The following ZNF142 variants were observed in gnomAD, a reference collection of about 807,000 sequenced individuals.
The protein encoded by ZNF142 is zinc finger protein 142 (clone pHZ-49).
ZNF142 carries 96 observed loss-of-function variants against 132.1 expected under a neutral mutation model. The observed-to-expected ratio is 0.73, with a 90% CI of 0.62 to 0.86. The LOEUF is 0.86. Among genes scored for constraint, ZNF142 ranks in the 40% least tolerant of loss-of-function variants. ZNF142 has a pLI of 0.00. For synonymous variants in ZNF142, 842 were observed against 890.1 expected, an observed-to-expected ratio of 0.95 and a Z score of 0.96; for missense variants, 2,163 against 2,336.2, an observed-to-expected ratio of 0.93 and a Z score of 1.53.
rs1575044798 is a variant in ZNF142 at position 218,635,205 on chromosome 2, T to C, written c.*3134A>G. Reference sequence around the variant, plus strand: ...GTCACTTTAGCCCAGGAGATGGAGGTTGCAGTGAGCTATGACTGCCCCACT... The same window carrying C: ...GTCACTTTAGCCCAGGAGATGGAGGCTGCAGTGAGCTATGACTGCCCCACT... On this transcript the variant is annotated 3_prime_UTR_variant, in exon 11 of 11. Coordinates refer to ENST00000411696, the MANE Select transcript of ZNF142 (RefSeq NM_001379659.1). Among the ~76,000 whole-genome samples, 2 of 151,706 alleles carry C rather than the reference T, an allele frequency of 1.3e-5. No homozygotes were observed. Among genetic ancestry groups the C allele is most frequent in the Admixed American group, 1.3e-4 (2 of 15,236 alleles).
Position 218,633,650 on chromosome 2 carries a change from T to C in ZNF142, c.*4689A>G. The C allele has an allele frequency of 1.2e-6, 2 of 1,613,548 alleles. No homozygotes were observed. The highest frequency in any genetic ancestry group is 1.7e-6 in the Non-Finnish European group (2 of 1,179,484). ...TCCAGCCCTCTCTTCCCTGGTTATC[T>C]ACTTGAAGTCTGTCTCATTCCGCAG... On this transcript the variant is annotated 3_prime_UTR_variant, in exon 11 of 11. Transcript: ENST00000411696.
chr2:218,643,151 T>C lies in ZNF142; in HGVS notation c.3965A>G (p.His1322Arg), dbSNP rs1455752142. The C allele has an allele frequency of 6.2e-7, 1 of 1,614,020 alleles. No homozygotes were observed. Among genetic ancestry groups the C allele is most frequent in the Non-Finnish European group, 8.5e-7 (1 of 1,180,002 alleles). ...CTCGAGGGGGCAGCCCCGGATCTGG[T>C]GAGTCCTCAGAGCCCGTTCCTGCTG... ...SCQQERALRTHQIRGCPLEES... is the reference protein window; with the variant it reads ...SCQQERALRTRQIRGCPLEES... The change falls in exon 9 of 11, where the codon CAC becomes CGC. Residue 1322 changes from histidine (H) to arginine (R), a missense_variant. Physicochemically the swap from His to Arg is conservative, Grantham distance 29. Transcript: ENST00000411696.
At chr2:218,641,494 T>C (rs1199365377) in intron 9 of ZNF142, among the ~76,000 whole-genome samples, 1 of 151,996 alleles carries the variant, frequency 6.6e-6, no homozygotes, top group Admixed American at 6.6e-5. Flanking sequence ...TCCGCCCACC[T>C]TGGCCTCCCA....
At chr2:218,648,134 G>A (rs1421710147) in intron 7 of ZNF142, among the ~76,000 whole-genome samples, 2 of 111,692 alleles carry the variant, frequency 1.8e-5, no homozygotes, top group African/African-American at 5.0e-5. Context: ...AAGAATGCTA[G>A]AAGACAGTTA....
At position 218,636,911 on chromosome 2, in the gene ZNF142, G is replaced by A; in HGVS notation, c.*1428C>T. ...CTAATCTTTCCCATCAACTCTGTGT[G>A]AAGGCAGGTTGCAACTAGAAATTCA... On this transcript the variant is annotated 3_prime_UTR_variant, in exon 11 of 11. Coordinates refer to ENST00000411696, the MANE Select transcript of ZNF142 (RefSeq NM_001379659.1). 1 of 467,652 alleles carries A rather than the reference G, an allele frequency of 2.1e-6. No individual in the cohort carries two copies. Among genetic ancestry groups the A allele is most frequent in the Non-Finnish European group, 4.3e-6 (1 of 234,938 alleles). 29.0% of individuals were successfully genotyped at this position (467,652 alleles called of 1,614,324 possible).
In ZNF142 at chr2:218,634,196, A is replaced by G; in HGVS notation, c.*4143T>C. 1 of 1,611,682 alleles carries G rather than the reference A, an allele frequency of 6.2e-7. No individual in the cohort carries two copies. The highest frequency in any genetic ancestry group is 1.7e-4 in the Middle Eastern group (1 of 6,060). On this transcript the variant is annotated 3_prime_UTR_variant, in exon 11 of 11. Transcript: ENST00000411696. This position sits in a 1 kb window ranked among gnomAD's most constrained non-coding sequence, Gnocchi z 4.0. ...ACTCTTCCAACTACAACCCCCAGGA[A>G]CTCTGGAATGCAGGCTGCCAGATGG...
chr2:218,642,087 C>G lies in ZNF142; in HGVS notation c.5029G>C (p.Glu1677Gln). ...CAGAGGTGACAGTGGTAAGGCTTTTCCCCAGTGTGGATGCGGCTGTGCCAG... is the reference window on the plus strand; with the variant it reads ...CAGAGGTGACAGTGGTAAGGCTTTTGCCCAGTGTGGATGCGGCTGTGCCAG... Reference protein sequence around the residue: ...ITWHSRIHTGEKPYHCHLCPY... With the variant: ...ITWHSRIHTGQKPYHCHLCPY... Residue 1677 changes from glutamate to glutamine, a missense_variant, in exon 9 of 11, where the codon GAA (glutamate) becomes CAA (glutamine). Transcript: ENST00000411696. This position sits in a 1 kb window ranked among gnomAD's most constrained non-coding sequence, Gnocchi z 4.6. 1 of 1,614,200 alleles carries G rather than the reference C, an allele frequency of 6.2e-7. No homozygotes were observed. The highest frequency in any genetic ancestry group is 1.1e-5 in the South Asian group (1 of 91,086).
In ZNF142 at chr2:218,655,152, C is replaced by T. The variant is rs559212128; in HGVS notation, c.280+998G>A. On this transcript the variant is annotated intron_variant, in intron 4 of 10. Coordinates refer to ENST00000411696, the MANE Select transcript of ZNF142 (RefSeq NM_001379659.1). ...AAGCAAACAACAAAAAAGATGGTTT[C>T]TTTTTCTTACTGTGGCTCTTTGAAT... Among the ~76,000 whole-genome samples the T allele has an allele frequency of 5.9e-5, 9 of 152,312 alleles. No homozygotes were observed. In the East Asian group the frequency reaches 1.5e-3, roughly 26 times the overall value.
At position 218,643,429 on chromosome 2, in the gene ZNF142, G is replaced by C; in HGVS notation, c.3687C>G (p.Asn1229Lys). The change falls in exon 9 of 11, where the codon AAC (asparagine) becomes AAG (lysine). Residue 1229 changes from asparagine (N) to lysine (K), a missense_variant. Physicochemically the swap from Asn to Lys is moderately conservative, Grantham distance 94. Around this residue, in one of 7 missense-constraint regions of ZNF142, gnomAD observed 809 missense variants for 801.7 expected, o/e 1.01. Coordinates refer to ENST00000411696, the MANE Select transcript of ZNF142 (RefSeq NM_001379659.1). The stretch of plus-strand genomic sequence containing the variant: ...GCCGGGAACAAAGGAATGGGCAGGA[G>C]TTGCAGTGAAACTTGCCCTGCTCAA... The part of the protein sequence containing the change: ...HRFEQGKFHC[N>K]SCPFLCSRLS... The C allele has an allele frequency of 6.2e-7, 1 of 1,614,244 alleles. No individual in the cohort carries two copies. The highest frequency in any genetic ancestry group is 1.1e-5 in the South Asian group (1 of 91,086).
At chr2:218,649,842 G>C (rs184995757) in intron 6 of ZNF142, among the ~76,000 whole-genome samples, 354 of 152,318 alleles carry the variant, frequency 2.3e-3, no homozygotes, top group Non-Finnish European at 2.4e-3. Flanking sequence ...CCAAGGGGGT[G>C]AGCCAAAAGA....
chr2:218,644,081 T>G lies in ZNF142; in HGVS notation c.3035A>C (p.Lys1012Thr). The G allele has an allele frequency of 1.2e-6, 2 of 1,614,078 alleles. No individual in the cohort carries two copies. Among genetic ancestry groups the G allele is most frequent in the Non-Finnish European group, 1.7e-6 (2 of 1,179,998 alleles). Residue 1012 changes from lysine to threonine, a missense_variant, in exon 9 of 11, where the codon AAA becomes ACA. Physicochemically the swap from Lys to Thr is moderately conservative, Grantham distance 78. This residue lies in a region of ZNF142 where 809 missense variants were observed against 801.7 expected (regional missense o/e 1.01). Coordinates refer to ENST00000411696, the MANE Select transcript of ZNF142 (RefSeq NM_001379659.1). The surrounding 1 kb of genome is among the most constrained non-coding windows in gnomAD (Gnocchi z 4.6). ...TAGCACCAATGCCTCTGCTTGTTCT[T>G]TGTCCTGTCTCCTTAGGGCCTTGAG... Reference protein sequence around the residue: ...SLLKALRRQDKEQAEALVLEG... With the variant: ...SLLKALRRQDTEQAEALVLEG...
At chr2:218,650,332 G>C (rs1443029938) in intron 6 of ZNF142, 27 bp downstream of exon 6, 2 of 1,613,566 alleles carry the variant, frequency 1.2e-6, no homozygotes, top group Non-Finnish European at 1.7e-6. Context: ...CCACCACCAA[G>C]GGCTTCAAGC....
chr2:218,648,571 C>A, intron 7 of ZNF142, 64 bp downstream of exon 7: 1 of 1,503,750 alleles, frequency 6.7e-7, no homozygotes, highest in South Asian at 1.3e-5. Context: ...ATGCAAGACC[C>A]TTTGTAGCCA....
Position 218,638,539 on chromosome 2 carries a change from A to C in ZNF142, c.5464T>G (p.Phe1822Val). Residue 1822 changes from phenylalanine (F) to valine (V), a missense_variant, in exon 11 of 11, where the codon TTT (phenylalanine) becomes GTT (valine). Physicochemically the swap from Phe to Val is conservative, Grantham distance 50. This residue lies in a region of ZNF142 where 325 missense variants were observed against 367.8 expected (regional missense o/e 0.88). Coordinates refer to ENST00000411696, the MANE Select transcript of ZNF142 (RefSeq NM_001379659.1). ...GCCTTGTAGTTGCAGAGGCGGCAAA[A>C]GAAGGGGTGGCGGTCGGTGTGGGTG... ...ALTHTDRHPFFCRLCNYKAKQ... is the reference protein window; with the variant it reads ...ALTHTDRHPFVCRLCNYKAKQ... The C allele has an allele frequency of 6.2e-7, 1 of 1,610,502 alleles. No individual in the cohort carries two copies. Among genetic ancestry groups the C allele is most frequent in the Non-Finnish European group, 8.5e-7 (1 of 1,177,292 alleles).
At position 218,649,205 on chromosome 2, in the gene ZNF142, T is replaced by C; in HGVS notation, c.1303A>G (p.Asn435Asp). The C allele has an allele frequency of 6.2e-7, 1 of 1,614,210 alleles. No individual in the cohort carries two copies. Reference sequence around the variant, plus strand: ...TCATGCATGCTGGCCATGTGGCGGTTGAGTGCATTCCTCTCCACCGCACTG... The same window carrying C: ...TCATGCATGCTGGCCATGTGGCGGTCGAGTGCATTCCTCTCCACCGCACTG... ...HYSAVERNAL[N>D]RHMASMHEDI... Residue 435 changes from asparagine (N) to aspartate (D), a missense_variant, in exon 7 of 11, where the codon AAC becomes GAC. Coordinates refer to ENST00000411696, the MANE Select transcript of ZNF142 (RefSeq NM_001379659.1).
chr2:218,646,391 A>G, intron 7 of ZNF142, 43 bp from the exon 8 acceptor site: 2 of 1,602,308 alleles, frequency 1.2e-6, no homozygotes, highest in Non-Finnish European at 1.7e-6. Flanking sequence ...CACAGGTCAG[A>G]TACAGATCAA....
intron 10 of ZNF142, among the ~76,000 whole-genome samples, chr2:218,639,446 C>A (rs1481598847): frequency 2.0e-5 from 3 of 152,310 alleles, no homozygotes; most frequent in African/African-American, 4.8e-5. Context: ...AGGGTTTCCC[C>A]ATGGGAAATT....
In ZNF142 at chr2:218,636,509, A is replaced by G; in HGVS notation, c.*1830T>C. 9 of 1,613,968 alleles carry G rather than the reference A, an allele frequency of 5.6e-6. No homozygotes were observed. The highest frequency in any genetic ancestry group is 1.3e-5 in the African/African-American group (1 of 75,044). On this transcript the variant is annotated 3_prime_UTR_variant, in exon 11 of 11. Transcript: ENST00000411696. Reference sequence around the variant, plus strand: ...TCACCTGCTGTCCAAAGATGGCATCAGCCTCCGCCCAGCTTCCATCTTTGT... The same window carrying G: ...TCACCTGCTGTCCAAAGATGGCATCGGCCTCCGCCCAGCTTCCATCTTTGT...
At chr2:218,658,508 C>G (rs1938852863) in intron 3 of ZNF142, among the ~76,000 whole-genome samples, 193 bp downstream of exon 3, 1 of 151,742 alleles carries the variant, frequency 6.6e-6, no homozygotes, top group Admixed American at 6.6e-5. Flanking sequence ...ACCATTGCAC[C>G]CCAGCTTGGG....
Sources: allele counts gnomAD v4.1 joint callset (sites outside exome capture counted in the v4.1 genomes callset), GRCh38; gene constraint gnomAD v4.1.1; regional missense constraint gnomAD v4.1.1; non-coding constraint Gnocchi (gnomAD v3.1); transcripts MANE v1.5; gene names NCBI Gene and HGNC (gene_info 2026-07-23, HGNC 2026-07-21).